The following EIF4G1 variants were observed in gnomAD, a reference collection of about 807,000 sequenced individuals.
EIF4G1 encodes EIF4-gamma.
Under a neutral mutation model 187.8 loss-of-function variants are expected in EIF4G1, and 4 were observed. The ratio of observed to expected loss-of-function variants is 0.02; its 90% CI spans 0.01 to 0.05. The LOEUF is 0.05. Ranked by LOEUF, EIF4G1 falls within the 10% of genes least tolerant of loss-of-function variation. The pLI, the probability that EIF4G1 is intolerant of heterozygous loss-of-function variation, is 1.00. For missense variants in EIF4G1, 1,647 were observed against 2,081.1 expected, an observed-to-expected ratio of 0.79 and a Z score of 4.06; for synonymous variants, 844 against 781.4, an observed-to-expected ratio of 1.08 and a Z score of -1.34.
At chr3:184,319,467 TTG>T (rs756906987) in intron 6 of EIF4G1, among the ~76,000 whole-genome samples, 2 of 11,260 alleles carry the variant, frequency 1.8e-4, no homozygotes, top group South Asian at 2.0e-3. Context: ...GTGTGTGTGT[TTG>T]TGTGTGTGTG....
At chr3:184,332,541 G>C (rs994021434) in intron 32 of EIF4G1, among the ~76,000 whole-genome samples, 2 of 152,106 alleles carry the variant, frequency 1.3e-5, no homozygotes, top group African/African-American at 4.8e-5. Flanking sequence ...ATGTGTCAGG[G>C]CATTGGCATG....
intron 7 of EIF4G1, chr3:184,320,318 A>G (rs1370756607): frequency 7.7e-7 from 1 of 1,299,306 alleles, no homozygotes; most frequent in Non-Finnish European, 9.9e-7. Context: ...TGGGTTCTAG[A>G]TGGGGGTCCT....
chr3:184,334,877 G>A lies in EIF4G1; in HGVS notation c.4769G>A (p.Arg1590His), dbSNP rs368905307. The change falls in exon 33 of 33, where the codon CGT (arginine) becomes CAT (histidine). Residue 1590 changes from arginine to histidine, a missense_variant. By Grantham distance (29) the Arg-to-His change is conservative. Coordinates refer to ENST00000346169, the MANE Select transcript of EIF4G1 (RefSeq NM_198241.3). The surrounding 1 kb of genome is among the most constrained non-coding windows in gnomAD (Gnocchi z 5.8). ...GTCACAGCCTTCTTCAAGTGGCTCCGTGAAGCAGAGGAGGAGTCTGACCAC... is the reference window on the plus strand; with the variant it reads ...GTCACAGCCTTCTTCAAGTGGCTCCATGAAGCAGAGGAGGAGTCTGACCAC... ...KSVTAFFKWL[R>H]EAEEESDHN The A allele has an allele frequency of 3.1e-6, 5 of 1,614,096 alleles. No homozygotes were observed. The highest frequency in any genetic ancestry group is 1.6e-4 in the Middle Eastern group (1 of 6,072).
chr3:184,334,660 G>A lies in EIF4G1; in HGVS notation c.4619-67G>A. 1.2e-6 allele frequency: 2 copies of A among 1,602,522 alleles called. No homozygotes were observed. The highest frequency in any genetic ancestry group is 1.7e-5 in the Admixed American group (1 of 59,772). On this transcript the variant is annotated intron_variant, in intron 32 of 32. Coordinates refer to ENST00000346169, the MANE Select transcript of EIF4G1 (RefSeq NM_198241.3). The surrounding 1 kb of genome is among the most constrained non-coding windows in gnomAD (Gnocchi z 5.8). The stretch of plus-strand genomic sequence containing the variant: ...TTGTTTGAACAGTGGAACTTGGGAG[G>A]GTTCCCTGGGGTGGGCTGGGGTGGC...
intron 28 of EIF4G1, 157 bp downstream of exon 28, chr3:184,329,147 C>G: frequency 4.8e-6 from 4 of 827,456 alleles, no homozygotes; most frequent in Admixed American, 4.2e-5. Context: ...TGGGCCATCT[C>G]CCGCACACCA....
chr3:184,321,820 T>C lies in EIF4G1; in HGVS notation c.1236T>C (p.Ala412=). ...ELLNGAPSPP[A]VDLSPVSEPE... Reference sequence around the variant, plus strand: ...TCAACGGAGCCCCCTCGCCACCAGCTGTGGACTTAAGCCCAGTCAGTGAGC... The same window carrying C: ...TCAACGGAGCCCCCTCGCCACCAGCCGTGGACTTAAGCCCAGTCAGTGAGC... The change falls in exon 10 of 33, where the codon GCT becomes GCC. Residue 412 remains alanine (A), a synonymous_variant. Coordinates refer to ENST00000346169, the MANE Select transcript of EIF4G1 (RefSeq NM_198241.3). 6.2e-7 allele frequency: 1 copy of C among 1,614,134 alleles called. No homozygotes were observed. Among genetic ancestry groups the C allele is most frequent in the Non-Finnish European group, 8.5e-7 (1 of 1,180,018 alleles).
In EIF4G1 at chr3:184,322,699, G is replaced by T; in HGVS notation, c.1764G>T (p.Gln588His). ...EDKIHNAENI[Q>H]PGEQKYEYKS... ...AAATTCACAATGCTGAGAACATCCA[G>T]CCCGGGGAACAGAAGTATGAATATA... The change falls in exon 12 of 33, where the codon CAG becomes CAT. Residue 588 changes from glutamine (Q) to histidine (H), a missense_variant. Physicochemically the swap from Gln to His is conservative, Grantham distance 24 (BLOSUM62 0). Transcript: ENST00000346169. 6.2e-7 allele frequency: 1 copy of T among 1,614,186 alleles called. No homozygotes were observed. The highest frequency in any genetic ancestry group is 8.5e-7 in the Non-Finnish European group (1 of 1,180,044).
At chr3:184,318,122 A>G (rs1028560283) in intron 6 of EIF4G1, among the ~76,000 whole-genome samples, 13 of 152,150 alleles carry the variant, frequency 8.5e-5, no homozygotes, top group African/African-American at 3.1e-4. Flanking sequence ...AGCCCATGTA[A>G]TGCAAATTTG....
At chr3:184,316,316 T>C in intron 4 of EIF4G1, 98 bp downstream of exon 4, 1 of 1,471,316 alleles carries the variant, frequency 6.8e-7, no homozygotes, top group Non-Finnish European at 9.3e-7. Context: ...GCCCCATACC[T>C]GGCCTTAATC....
chr3:184,329,241 A>G (rs1725555378), intron 28 of EIF4G1: 3 of 531,826 alleles, frequency 5.6e-6, no homozygotes, highest in Non-Finnish European at 1.0e-5. Context: ...TTATTTATTC[A>G]TTCATTGAAC....
chr3:184,318,526 C>T (rs1315749771), intron 6 of EIF4G1, among the ~76,000 whole-genome samples: 1 of 152,036 alleles, frequency 6.6e-6, no homozygotes, highest in African/African-American at 2.4e-5. Flanking sequence ...CCAAGACAGG[C>T]GGATCACTTG....
At chr3:184,329,212 A>G (rs1359937040) in intron 28 of EIF4G1, 2 of 586,948 alleles carry the variant, frequency 3.4e-6, no homozygotes, top group East Asian at 2.9e-5. Context: ...CTAAGACCCT[A>G]GGCCTGTGAT....
intron 9 of EIF4G1, 130 bp from the exon 10 acceptor site, chr3:184,321,152 A>T (rs972941641): frequency 6.7e-7 from 1 of 1,485,148 alleles, no homozygotes; most frequent in African/African-American, 1.4e-5. Context: ...TGAAAGTGGA[A>T]GTATAGCTTA....
In EIF4G1 at chr3:184,319,715, G is replaced by C. The variant is rs369746567; in HGVS notation, c.451G>C (p.Val151Leu). 4 of 1,603,986 alleles carry C rather than the reference G, an allele frequency of 2.5e-6. No individual in the cohort carries two copies. Among genetic ancestry groups the C allele is most frequent in the Non-Finnish European group, 3.4e-6 (4 of 1,175,692 alleles). The change falls in exon 7 of 33, where the codon GTG (valine) becomes CTG (leucine). Residue 151 changes from valine (V) to leucine (L), a missense_variant. Coordinates refer to ENST00000346169, the MANE Select transcript of EIF4G1 (RefSeq NM_198241.3). The part of the protein sequence containing the change: ...YAGAYYPAQG[V>L]QQFPTGVAPT... The stretch of plus-strand genomic sequence containing the variant: ...TGGCGCCTACTATCCAGCCCAAGGG[G>C]TGCAGCAGTTTCCCACTGGCGTGGC...
chr3:184,320,623 T>G lies in EIF4G1; in HGVS notation c.538-7T>G. The G allele has an allele frequency of 6.2e-7, 1 of 1,613,872 alleles. No homozygotes were observed. Among genetic ancestry groups the G allele is most frequent in the Non-Finnish European group, 8.5e-7 (1 of 1,179,932 alleles). The stretch of plus-strand genomic sequence containing the variant: ...TTCCCACTCATCTTATAGCTTTCTT[T>G]CCCCAGATCCGAATTCGAGATCCAA... On this transcript the variant is annotated splice_polypyrimidine_tract_variant and splice_region_variant and intron_variant, in intron 7 of 32. Transcript: ENST00000346169.
In EIF4G1 at chr3:184,325,930, A is replaced by C. The variant is rs1318013913; in HGVS notation, c.3201A>C (p.Ser1067=). ...ISKGSRPIDT[S]RLTKITKPGS... Reference sequence around the variant, plus strand: ...AAGGTAGCCGCCCCATTGACACCTCACGACTCACCAAGATCACCAAGGTAG... The same window carrying C: ...AAGGTAGCCGCCCCATTGACACCTCCCGACTCACCAAGATCACCAAGGTAG... Residue 1067 remains serine, a synonymous_variant, in exon 21 of 33, where the codon TCA becomes TCC. Transcript: ENST00000346169. The surrounding 1 kb of genome is among the most constrained non-coding windows in gnomAD (Gnocchi z 5.2). 6.2e-7 allele frequency: 1 copy of C among 1,614,040 alleles called. No homozygotes were observed. Among genetic ancestry groups the C allele is most frequent in the East Asian group, 2.2e-5 (1 of 44,876 alleles).
chr3:184,326,179 C>G (rs1009261076), intron 21 of EIF4G1, among the ~76,000 whole-genome samples: 4 of 151,716 alleles, frequency 2.6e-5, no homozygotes, highest in African/African-American at 9.7e-5. Flanking sequence ...CGTGCCAGAT[C>G]CAGCCCATTC....
At chr3:184,318,014 G>C (rs1723082721) in intron 6 of EIF4G1, among the ~76,000 whole-genome samples, 198 bp downstream of exon 6, 2 of 152,186 alleles carry the variant, frequency 1.3e-5, no homozygotes, top group Admixed American at 6.5e-5. Flanking sequence ...ATTGCCAGGA[G>C]AGTTAAGAGT....
rs1316047784 is a variant in EIF4G1, at chr3:184,320,620, C to G, written c.538-10C>G. ...TGCTTCCCACTCATCTTATAGCTTT[C>G]TTTCCCCAGATCCGAATTCGAGATC... On this transcript the variant is annotated splice_polypyrimidine_tract_variant and intron_variant, in intron 7 of 32. Transcript: ENST00000346169. The G allele has an allele frequency of 6.2e-7, 1 of 1,614,062 alleles. No homozygotes were observed. Among genetic ancestry groups the G allele is most frequent in the Non-Finnish European group, 8.5e-7 (1 of 1,179,994 alleles).
Sources: allele counts gnomAD v4.1 joint callset (sites outside exome capture counted in the v4.1 genomes callset), GRCh38; gene constraint gnomAD v4.1.1; non-coding constraint Gnocchi (gnomAD v3.1); transcripts MANE v1.5; gene names NCBI Gene and HGNC (gene_info 2026-07-23, HGNC 2026-07-21).